RBFOX1: variants seen among roughly 807,000 people sequenced by gnomAD.
RBFOX1 encodes RNA binding fox-1 homolog 1.
Under a neutral mutation model 57.7 loss-of-function variants are expected in RBFOX1, and 8 were observed. The observed-to-expected ratio is 0.14, with a 90% CI of 0.08 to 0.25. RBFOX1 has a LOEUF of 0.25. RBFOX1 is among the 10% of genes least tolerant of loss of function. The pLI is 1.00. For synonymous variants in RBFOX1, 326 were observed against 222.4 expected (o/e 1.47, Z -4.15); for missense variants, 611 against 548.5 (o/e 1.11, Z -1.14).
chr16:6,966,749 ATCTG>A (rs1163222592), intron 3 of RBFOX1, among the ~76,000 whole-genome samples: 2 of 147,138 alleles, frequency 1.4e-5, no homozygotes, highest in African/African-American at 2.6e-5. Context: ...GCCTGCCTCT[ATCTG>A]TCTGTCTGTC....
At chr16:7,617,223 A>G (rs1298567443) in intron 10 of RBFOX1, among the ~76,000 whole-genome samples, 2 of 152,196 alleles carry the variant, frequency 1.3e-5, no homozygotes, top group Non-Finnish European at 1.5e-5. Context: ...TGTAATCCCT[A>G]TGATCCCTGT....
Position 5,985,181 on chromosome 16 carries a change from G to A in RBFOX1, c.351+117846G>A, listed in dbSNP as rs553412152. ...ATATATATTTTTATTTTTAGTAGAGGCGGGGTTTCACCGTGTTAGCCAGGA... is the reference window on the plus strand; with the variant it reads ...ATATATATTTTTATTTTTAGTAGAGACGGGGTTTCACCGTGTTAGCCAGGA... On this transcript the variant is annotated intron_variant, in intron 4 of 19. Transcript: ENST00000641259. Among the ~76,000 whole-genome samples the A allele has an allele frequency of 8.0e-5, 12 of 150,792 alleles. No homozygotes were observed. The South Asian group carries it at 1.0e-3, about 13-fold the overall frequency.
intron 2 of RBFOX1, among the ~76,000 whole-genome samples, chr16:6,351,644 G>A (rs1351119350): frequency 6.6e-6 from 1 of 151,902 alleles, no homozygotes; most frequent in Non-Finnish European, 1.5e-5. Context: ...AAAATGTTGG[G>A]ATTACAGGCA....
intron 3 of RBFOX1, among the ~76,000 whole-genome samples, chr16:6,872,204 C>T (rs1412351865): frequency 6.6e-6 from 1 of 152,104 alleles, no homozygotes; most frequent in African/African-American, 2.4e-5. Context: ...GTGCTCAGCA[C>T]CTAGCATGGA....
At chr16:7,541,041 A>T (rs1253135447) in intron 5 of RBFOX1, among the ~76,000 whole-genome samples, 1 of 152,122 alleles carries the variant, frequency 6.6e-6, no homozygotes, top group African/African-American at 2.4e-5. Context: ...AAGACCCAGA[A>T]TGTTTCCTTT....
intron 2 of RBFOX1, among the ~76,000 whole-genome samples, chr16:5,560,262 C>G (rs181300659): frequency 1.3e-5 from 2 of 152,036 alleles, no homozygotes; most frequent in Non-Finnish European, 2.9e-5. Context: ...CACTTAGTCA[C>G]CTCCTCCAGG....
chr16:6,773,133 G>C (rs1402882623), intron 3 of RBFOX1, among the ~76,000 whole-genome samples: 5 of 143,760 alleles, frequency 3.5e-5, no homozygotes, highest in Non-Finnish European at 7.6e-5. Context: ...TTGGGGTGTG[G>C]GGTGCATTTG....
At chr16:6,841,178 A>C (rs2093441772) in intron 3 of RBFOX1, among the ~76,000 whole-genome samples, 1 of 152,118 alleles carries the variant, frequency 6.6e-6, no homozygotes, top group Non-Finnish European at 1.5e-5. Context: ...AAGCCTGAAC[A>C]GACTAAGACA....
chr16:5,340,127 A>C (rs2065001884), intron 1 of RBFOX1, among the ~76,000 whole-genome samples: 4 of 152,152 alleles, frequency 2.6e-5, no homozygotes, highest in Admixed American at 2.6e-4. Context: ...ATTTTGTTTT[A>C]AGTGAAATTC....
chr16:7,624,637 A>G (rs2059807197), intron 10 of RBFOX1, among the ~76,000 whole-genome samples: 1 of 152,216 alleles, frequency 6.6e-6, no homozygotes, highest in Non-Finnish European at 1.5e-5. Flanking sequence ...GCTGAGCACT[A>G]GAGGCAGAGG....
In RBFOX1 at chr16:5,911,547, G is replaced by A. The variant is rs1353002496; in HGVS notation, c.351+44212G>A. On this transcript the variant is annotated intron_variant, in intron 4 of 19. Coordinates refer to the RBFOX1 transcript ENST00000641259. ...GTACGTTATGAGTCTTCAACGCCTTGTTCGTGCACCATGCACTAATCCCAT... is the reference window on the plus strand; with the variant it reads ...GTACGTTATGAGTCTTCAACGCCTTATTCGTGCACCATGCACTAATCCCAT... 2.6e-5 allele frequency among the ~76,000 whole-genome samples: 4 copies of A among 152,178 alleles called. No individual in the cohort carries two copies. The South Asian group carries it at 8.3e-4, about 31-fold the overall frequency.
intron 3 of RBFOX1, among the ~76,000 whole-genome samples, chr16:5,856,016 C>G (rs1403722442): frequency 1.8e-5 from 2 of 113,518 alleles, no homozygotes; most frequent in African/African-American, 6.6e-5. Context: ...AATAAGATTA[C>G]TTTCCTAATT....
intron 4 of RBFOX1, among the ~76,000 whole-genome samples, chr16:7,091,729 C>G (rs1034604213): frequency 6.6e-6 from 1 of 152,180 alleles, no homozygotes; most frequent in African/African-American, 2.4e-5. Context: ...CTGGGGGAGC[C>G]TCCTCTGAAT....
chr16:7,268,404 C>T (rs934621384), intron 4 of RBFOX1, among the ~76,000 whole-genome samples: 7 of 152,176 alleles, frequency 4.6e-5, no homozygotes, highest in African/African-American at 9.6e-5. Flanking sequence ...TACTGGTTTT[C>T]GATGCCTGAG....
At chr16:6,422,349 T>C (rs374391609) in intron 2 of RBFOX1, among the ~76,000 whole-genome samples, 1 of 151,790 alleles carries the variant, frequency 6.6e-6, no homozygotes, top group African/African-American at 2.4e-5. Flanking sequence ...ATCACCCAGG[T>C]AGTGAGTGTA....
At chr16:6,994,945 TTGTGTGTG>T (rs145095044) in intron 3 of RBFOX1, among the ~76,000 whole-genome samples, 4 of 147,994 alleles carry the variant, frequency 2.7e-5, no homozygotes, top group Non-Finnish European at 4.5e-5. Context: ...TTGCATTATT[TTGTGTGTG>T]TGTGTGTGTG....
chr16:5,526,243 C>T (rs4592658), intron 2 of RBFOX1, among the ~76,000 whole-genome samples: 14,927 of 152,086 alleles, frequency 0.098, 1,766 homozygotes, highest in African/African-American at 0.28. Context: ...ATCTTTCATG[C>T]CCTGACAGCA....
intron 3 of RBFOX1, among the ~76,000 whole-genome samples, chr16:5,702,884 A>G (rs2051102702): frequency 6.6e-6 from 1 of 152,162 alleles, no homozygotes; most frequent in South Asian, 2.1e-4. Context: ...CTTGGTTGTG[A>G]ATATGGGGAA....
chr16:5,818,421 G>GGTCT (rs1267636924), intron 3 of RBFOX1, among the ~76,000 whole-genome samples: 1 of 152,124 alleles, frequency 6.6e-6, no homozygotes, highest in Non-Finnish European at 1.5e-5. Flanking sequence ...GTCGTGGAGA[G>GGTCT]GTCTATAAGG....
Sources: allele counts gnomAD v4.1 joint callset (sites outside exome capture counted in the v4.1 genomes callset), GRCh38; gene constraint gnomAD v4.1.1; transcripts MANE v1.5; gene names NCBI Gene and HGNC (gene_info 2026-07-23, HGNC 2026-07-21).